The following APLF variants were observed in gnomAD, a reference collection of about 807,000 sequenced individuals.
APLF encodes the protein aprataxin and PNK-like factor.
In APLF, 61 loss-of-function variants were observed where a neutral mutation model predicts 55.6. That is an observed-to-expected ratio of 1.10 (90% CI 0.89 to 1.36). The LOEUF (loss-of-function observed/expected upper bound fraction) is 1.36, where lower values mean the gene tolerates loss of function less well. Ranked by LOEUF, APLF falls within the 40% of genes most tolerant of loss-of-function variation. The probability of loss-of-function intolerance (pLI) is 0.00; values close to 1 mark genes in which losing one functional copy is unlikely to be tolerated. For missense variants in APLF, 611 were observed against 602.5 expected (o/e 1.01, Z -0.15); for synonymous variants, 207 against 214.8 (o/e 0.96, Z 0.32).
intron 5 of APLF, among the ~76,000 whole-genome samples, chr2:68,515,413 CT>C (rs1462390183): frequency 6.6e-6 from 1 of 151,714 alleles, no homozygotes; most frequent in Admixed American, 6.6e-5. Flanking sequence ...AATAATTTCT[CT>C]GATAAAAGAA....
intron 5 of APLF, among the ~76,000 whole-genome samples, chr2:68,516,160 T>A (rs1669572602): frequency 6.6e-6 from 1 of 151,658 alleles, no homozygotes; most frequent in African/African-American, 2.4e-5. Flanking sequence ...ATTTGACTTA[T>A]CCAAGATCAT....
intron 8 of APLF, among the ~76,000 whole-genome samples, chr2:68,566,482 G>A (rs756148492): frequency 6.6e-6 from 1 of 152,090 alleles, no homozygotes; most frequent in Non-Finnish European, 1.5e-5. Flanking sequence ...GAAACATTCA[G>A]CCAATACTTG....
chr2:68,565,491 TTAGA>T (rs980407706), intron 8 of APLF, among the ~76,000 whole-genome samples: 10 of 143,116 alleles, frequency 7.0e-5, no homozygotes, highest in South Asian at 2.1e-4. Context: ...GGATGGATAG[TTAGA>T]TAGACAGATA....
chr2:68,484,981 T>C lies in APLF; in HGVS notation c.97-5209T>C, dbSNP rs115130060. Among the ~76,000 whole-genome samples the C allele has an allele frequency of 5.9e-3, 897 of 152,188 alleles. 4 individuals carry two copies. Among genetic ancestry groups the C allele is most frequent in the Non-Finnish European group, 8.7e-3 (592 of 68,002 alleles). On this transcript the variant is annotated intron_variant, in intron 1 of 9. Transcript: ENST00000303795. The stretch of plus-strand genomic sequence containing the variant: ...TAATATGCCTGTGTGTGTGTGTGTG[T>C]GCGCACATTTTTTTCTTTCTCCTGA...
chr2:68,469,669 C>G (rs1675558165), intron 1 of APLF, among the ~76,000 whole-genome samples: 1 of 152,190 alleles, frequency 6.6e-6, no homozygotes, highest in Non-Finnish European at 1.5e-5. Context: ...CTGACAGATG[C>G]ACTCGATTCT....
chr2:68,519,104 T>C (rs1332382594), intron 5 of APLF, among the ~76,000 whole-genome samples: 14 of 110,544 alleles, frequency 1.3e-4, no homozygotes, highest in Non-Finnish European at 3.4e-5. Context: ...TATAATAATA[T>C]AATATATAAT....
intron 5 of APLF, among the ~76,000 whole-genome samples, chr2:68,514,310 T>G (rs1308331066): frequency 6.6e-6 from 1 of 151,838 alleles, no homozygotes; most frequent in Non-Finnish European, 1.5e-5. Flanking sequence ...ACTGCTTGTT[T>G]TCTTTTATGG....
intron 7 of APLF, among the ~76,000 whole-genome samples, chr2:68,544,522 T>A (rs554524847): frequency 6.4e-4 from 98 of 152,308 alleles, no homozygotes; most frequent in Non-Finnish European, 9.8e-4. Flanking sequence ...TGTTAAGACA[T>A]GTTATTATGA....
At chr2:68,490,139 G>T (rs1318623564) in intron 1 of APLF, 51 bp from the exon 2 acceptor site, 1 of 1,390,642 alleles carries the variant, frequency 7.2e-7, no homozygotes, top group East Asian at 2.4e-5. Flanking sequence ...TTGTTTTGTT[G>T]CTTTTTAAGG....
intron 3 of APLF, among the ~76,000 whole-genome samples, chr2:68,511,997 A>T (rs535643031): frequency 1.3e-5 from 2 of 151,890 alleles, no homozygotes; most frequent in East Asian, 3.9e-4. Flanking sequence ...GACTTTTCTC[A>T]GCTAGACACA....
At chr2:68,499,993 T>G (rs1676672492) in intron 2 of APLF, among the ~76,000 whole-genome samples, 1 of 152,244 alleles carries the variant, frequency 6.6e-6, no homozygotes, top group African/African-American at 2.4e-5. Flanking sequence ...ATTCTGTTAT[T>G]TTTCAAAACT....
chr2:68,494,277 CAA>C (rs59466460), intron 2 of APLF, among the ~76,000 whole-genome samples: 33 of 49,542 alleles, frequency 6.7e-4, no homozygotes, highest in East Asian at 1.5e-3. Flanking sequence ...GACCCCGTCT[CAA>C]AAAAAAAAAA....
intron 1 of APLF, among the ~76,000 whole-genome samples, chr2:68,477,803 C>T (rs1486173583): frequency 1.3e-5 from 2 of 152,114 alleles, no homozygotes; most frequent in Non-Finnish European, 2.9e-5. Context: ...TGGCATCAGG[C>T]AAGAGAGCTT....
intron 6 of APLF, chr2:68,531,327 C>T (rs1670249780): frequency 6.6e-6 from 1 of 152,150 alleles, no homozygotes; most frequent in Admixed American, 6.5e-5. Context: ...CATGGCTGAG[C>T]TCTGTGGATC....
At chr2:68,536,365 A>G (rs775449642) in intron 6 of APLF, among the ~76,000 whole-genome samples, 5 of 152,186 alleles carry the variant, frequency 3.3e-5, no homozygotes, top group African/African-American at 4.8e-5. Context: ...AAAATGAAAT[A>G]TCTTCTTAAG....
chr2:68,519,568 C>T (rs1669829956), intron 5 of APLF, among the ~76,000 whole-genome samples: 1 of 149,954 alleles, frequency 6.7e-6, no homozygotes, highest in African/African-American at 2.4e-5. Flanking sequence ...AAAGTGTCTG[C>T]CCCTCCCCAC....
chr2:68,517,062 T>C (rs545905479), intron 5 of APLF, among the ~76,000 whole-genome samples: 123 of 124,354 alleles, frequency 9.9e-4, no homozygotes, highest in African/African-American at 3.6e-3. Context: ...TATTAATATA[T>C]AACATGTTAA....
chr2:68,572,544 T>G (rs1240672513), intron 9 of APLF, among the ~76,000 whole-genome samples: 1 of 152,172 alleles, frequency 6.6e-6, no homozygotes, highest in African/African-American at 2.4e-5. Flanking sequence ...TTGGTAAAAA[T>G]CTGCAGTTTG....
At chr2:68,476,649 T>C (rs1425019920) in intron 1 of APLF, among the ~76,000 whole-genome samples, 2 of 152,000 alleles carry the variant, frequency 1.3e-5, no homozygotes, top group African/African-American at 4.8e-5. Flanking sequence ...GTGTATATAT[T>C]GTGCAATAGT....
Sources: allele counts gnomAD v4.1 joint callset (sites outside exome capture counted in the v4.1 genomes callset), GRCh38; gene constraint gnomAD v4.1.1; transcripts MANE v1.5; gene names NCBI Gene and HGNC (gene_info 2026-07-23, HGNC 2026-07-21).